CWC27: variants seen among roughly 807,000 people sequenced by gnomAD.
CWC27 encodes CWC27 spliceosome associated cyclophilin.
CWC27 carries 47 observed loss-of-function variants against 63.6 expected under a neutral mutation model. The ratio of observed to expected loss-of-function variants is 0.74; its 90% CI spans 0.58 to 0.94. The LOEUF is 0.94. Ranked by LOEUF, CWC27 falls within the 40% of genes least tolerant of loss-of-function variation. The pLI is 0.00. For synonymous variants in CWC27, 175 were observed against 179.8 expected, an observed-to-expected ratio of 0.97 and a Z score of 0.22; for missense variants, 495 against 554.3, an observed-to-expected ratio of 0.89 and a Z score of 1.07.
chr5:64,957,102 T>C (rs1464711172), intron 11 of CWC27, among the ~76,000 whole-genome samples: 1 of 152,192 alleles, frequency 6.6e-6, no homozygotes, highest in Non-Finnish European at 1.5e-5. Context: ...TGAACAGATT[T>C]GTAAATTCTT....
chr5:65,002,230 T>G (rs904151537), intron 13 of CWC27, among the ~76,000 whole-genome samples: 5 of 152,134 alleles, frequency 3.3e-5, no homozygotes, highest in Non-Finnish European at 7.4e-5. Flanking sequence ...TAACAATTTA[T>G]CTATTTTGTT....
chr5:64,791,018 G>A (rs1209708416), intron 7 of CWC27, among the ~76,000 whole-genome samples: 2 of 152,020 alleles, frequency 1.3e-5, no homozygotes, highest in Non-Finnish European at 1.5e-5. Context: ...AGCCCAAGAC[G>A]TCTCAAAGGT....
chr5:64,905,244 T>C (rs1345948734), intron 11 of CWC27, among the ~76,000 whole-genome samples: 1 of 149,738 alleles, frequency 6.7e-6, no homozygotes, highest in Non-Finnish European at 1.5e-5. Context: ...AATGCATATC[T>C]TTTCTTTCCT....
intron 6 of CWC27, 41 bp downstream of exon 6, chr5:64,786,668 A>G: frequency 8.4e-7 from 1 of 1,189,948 alleles, no homozygotes; most frequent in Non-Finnish European, 1.2e-6. Context: ...TTGAAAAATG[A>G]CACTCATTCA....
chr5:64,968,485 A>G (rs564263532), intron 11 of CWC27, among the ~76,000 whole-genome samples: 1 of 152,316 alleles, frequency 6.6e-6, no homozygotes, highest in African/African-American at 2.4e-5. Context: ...TAAGCAACTC[A>G]GAATAAACAA....
At chr5:64,953,132 C>CTG (rs978679871) in intron 11 of CWC27, among the ~76,000 whole-genome samples, 6 of 152,032 alleles carry the variant, frequency 3.9e-5, no homozygotes, top group Non-Finnish European at 8.8e-5. Flanking sequence ...TTTTGCCAGT[C>CTG]TGTGGTATGT....
intron 11 of CWC27, among the ~76,000 whole-genome samples, chr5:64,938,750 C>T (rs1447227803): frequency 4.6e-5 from 7 of 152,142 alleles, no homozygotes; most frequent in African/African-American, 1.7e-4. Flanking sequence ...ACCAGTCAAA[C>T]ATAGGTTTGA....
intron 10 of CWC27, among the ~76,000 whole-genome samples, chr5:64,837,388 T>G (rs1010293040): frequency 6.6e-6 from 1 of 152,080 alleles, no homozygotes; most frequent in Admixed American, 6.6e-5. Flanking sequence ...TAATTAACTT[T>G]TAAATAAGCA....
At chr5:64,792,954 T>G (rs1021860904) in intron 7 of CWC27, among the ~76,000 whole-genome samples, 2 of 152,166 alleles carry the variant, frequency 1.3e-5, no homozygotes, top group African/African-American at 4.8e-5. Context: ...TATACAATAC[T>G]GAAAAATGTC....
intron 11 of CWC27, among the ~76,000 whole-genome samples, chr5:64,898,358 G>T (rs554718174): frequency 5.0e-4 from 76 of 152,148 alleles, no homozygotes; most frequent in African/African-American, 1.8e-3. Flanking sequence ...TTAGCCCAAT[G>T]AAGTAGAAGG....
chr5:64,934,608 G>C (rs1019635676), intron 11 of CWC27, among the ~76,000 whole-genome samples: 1 of 152,154 alleles, frequency 6.6e-6, no homozygotes. Flanking sequence ...AATCTGTTGG[G>C]TATATACCCA....
At chr5:64,857,254 G>C (rs952711688) in intron 10 of CWC27, among the ~76,000 whole-genome samples, 3 of 152,158 alleles carry the variant, frequency 2.0e-5, no homozygotes, top group Non-Finnish European at 2.9e-5. Flanking sequence ...ACTGACTGAT[G>C]TTCTATCACT....
At chr5:64,898,466 T>C (rs1022830191) in intron 11 of CWC27, among the ~76,000 whole-genome samples, 2 of 152,168 alleles carry the variant, frequency 1.3e-5, no homozygotes, top group Non-Finnish European at 2.9e-5. Flanking sequence ...TTCTTAAAAC[T>C]TGCACATAGT....
intron 11 of CWC27, among the ~76,000 whole-genome samples, chr5:64,956,935 T>C (rs1265363394): frequency 6.6e-6 from 1 of 152,152 alleles, no homozygotes; most frequent in East Asian, 1.9e-4. Flanking sequence ...CATTGTGTCT[T>C]AGACATGCTA....
intron 10 of CWC27, among the ~76,000 whole-genome samples, chr5:64,848,817 G>T (rs1223906251): frequency 6.6e-6 from 1 of 152,046 alleles, no homozygotes; most frequent in Admixed American, 6.6e-5. Flanking sequence ...ACCAAATTAG[G>T]TATAGAAGGA....
chr5:64,939,716 A>G (rs1053654992), intron 11 of CWC27, among the ~76,000 whole-genome samples: 2 of 152,238 alleles, frequency 1.3e-5, no homozygotes, highest in Non-Finnish European at 2.9e-5. Context: ...CAGCACCCAC[A>G]GCCGCTTTTT....
At chr5:64,793,068 T>C (rs1482398038) in intron 7 of CWC27, among the ~76,000 whole-genome samples, 1 of 152,182 alleles carries the variant, frequency 6.6e-6, no homozygotes, top group African/African-American at 2.4e-5. Context: ...ATAACCATTA[T>C]GTAGAATCTT....
At chr5:64,931,295 G>C (rs1039232192) in intron 11 of CWC27, among the ~76,000 whole-genome samples, 2 of 151,770 alleles carry the variant, frequency 1.3e-5, no homozygotes, top group Non-Finnish European at 1.5e-5. Flanking sequence ...ATATATTTAT[G>C]CACTGGGAGA....
At chr5:64,837,563 T>C (rs1745688850) in intron 10 of CWC27, among the ~76,000 whole-genome samples, 1 of 151,930 alleles carries the variant, frequency 6.6e-6, no homozygotes, top group Non-Finnish European at 1.5e-5. Context: ...GGGTTTAATA[T>C]CTAGCATTAG....
Sources: gnomAD v4.1 joint callset for allele counts (sites outside exome capture counted in the v4.1 genomes callset) on GRCh38, gnomAD v4.1.1 for gene constraint, MANE v1.5 for transcripts, NCBI Gene and HGNC (gene_info 2026-07-23, HGNC 2026-07-21) for gene names.